The following CELF2 variants were observed in gnomAD, a reference collection of about 807,000 sequenced individuals.
CELF2 encodes the protein CUGBP Elav-like family member 2.
In CELF2, 8 loss-of-function variants were observed where a neutral mutation model predicts 62.6. That is an observed-to-expected ratio of 0.13 (90% CI 0.07 to 0.23). CELF2 has a LOEUF of 0.23. Ranked by LOEUF, CELF2 falls within the 10% of genes least tolerant of loss-of-function variation. The pLI is 1.00. For missense variants in CELF2, 333 were observed against 671.0 expected (o/e 0.50, Z 5.56); for synonymous variants, 258 against 250.0 (o/e 1.03, Z -0.30).
At chr10:10,720,608 C>T in the CELF2 span, among the ~76,000 whole-genome samples, 6 of 152,062 alleles carry the variant, frequency 3.9e-5, no homozygotes, top group South Asian at 4.2e-4. Context: ...CAGCCTATAG[C>T]GAACGCTGAC....
At chr10:10,996,421 G>A (rs1157165652) in intron 2 of CELF2, among the ~76,000 whole-genome samples, 1 of 152,206 alleles carries the variant, frequency 6.6e-6, no homozygotes, top group African/African-American at 2.4e-5. Context: ...TCGACCTCTA[G>A]GGTCTTCCTC....
chr10:11,165,467 C>T lies in CELF2; in HGVS notation c.75-19C>T. 1.2e-6 allele frequency: 2 copies of T among 1,608,572 alleles called. No homozygotes were observed. The highest frequency in any genetic ancestry group is 4.5e-5 in the East Asian group (2 of 44,462). ...CATCGTGCCGCCCTAACTCTGGCTCCCGGTTCCGTTTTTGACAGTAACGGC... is the reference window on the plus strand; with the variant it reads ...CATCGTGCCGCCCTAACTCTGGCTCTCGGTTCCGTTTTTGACAGTAACGGC... On this transcript the variant is annotated intron_variant, in intron 1 of 12. Coordinates refer to ENST00000633077, the MANE Select transcript of CELF2 (RefSeq NM_001326342.2). The surrounding 1 kb of genome is among the most constrained non-coding windows in gnomAD (Gnocchi z 7.4).
the CELF2 span, among the ~76,000 whole-genome samples, chr10:10,765,952 G>A: frequency 6.6e-6 from 1 of 152,178 alleles, no homozygotes; most frequent in Non-Finnish European, 1.5e-5. Flanking sequence ...CCAGACACAA[G>A]CGCACTGGGC....
intron 1 of CELF2, among the ~76,000 whole-genome samples, chr10:10,840,257 C>T (rs1236734217): frequency 4.6e-5 from 7 of 152,176 alleles, no homozygotes; most frequent in Non-Finnish European, 1.0e-4. Flanking sequence ...TAAGTGAAGA[C>T]TCTGTTTAGC....
intron 1 of CELF2, among the ~76,000 whole-genome samples, chr10:11,078,026 G>C (rs774816383): frequency 6.6e-6 from 1 of 152,136 alleles, no homozygotes; most frequent in Non-Finnish European, 1.5e-5. Flanking sequence ...AGTGACCTGC[G>C]TAGGTAGGCT....
intron 4 of CELF2, among the ~76,000 whole-genome samples, chr10:11,256,658 A>T (rs1213055239): frequency 3.0e-5 from 3 of 100,640 alleles, no homozygotes; most frequent in South Asian, 7.1e-4. Flanking sequence ...GGTGTCTGTG[A>T]TGTCCTTAAA....
At chr10:11,140,806 C>T (rs1014642047) in intron 1 of CELF2, among the ~76,000 whole-genome samples, 1 of 152,042 alleles carries the variant, frequency 6.6e-6, no homozygotes, top group Non-Finnish European at 1.5e-5. Context: ...TGCTTGAGCC[C>T]GAGATTTCAA....
At chr10:10,851,279 C>G (rs1202308335) in intron 1 of CELF2, among the ~76,000 whole-genome samples, 3 of 152,246 alleles carry the variant, frequency 2.0e-5, no homozygotes, top group African/African-American at 7.2e-5. Flanking sequence ...GGGCATTTAT[C>G]CCAGAGAAAT....
chr10:10,926,312 C>T (rs886688321), intron 2 of CELF2, among the ~76,000 whole-genome samples: 1 of 152,130 alleles, frequency 6.6e-6, no homozygotes, highest in Admixed American at 6.5e-5. Flanking sequence ...CTTGTGGGGG[C>T]AGATTCACTC....
chr10:10,952,638 A>G (rs1226616069), intron 2 of CELF2, among the ~76,000 whole-genome samples: 7 of 151,432 alleles, frequency 4.6e-5, no homozygotes, highest in Admixed American at 4.0e-4. Flanking sequence ...ATCTACATAT[A>G]TTTATTTATA....
the CELF2 span, among the ~76,000 whole-genome samples, chr10:10,687,796 C>A: frequency 6.6e-6 from 1 of 152,150 alleles, no homozygotes; most frequent in Non-Finnish European, 1.5e-5. Flanking sequence ...ATTTCTATTG[C>A]CCCAGTGTTT....
At chr10:10,552,231 A>G in the CELF2 span, among the ~76,000 whole-genome samples, 6 of 152,346 alleles carry the variant, frequency 3.9e-5, no homozygotes, top group Non-Finnish European at 7.4e-5. Context: ...GGGTTGAGGA[A>G]CAGTTAGGCT....
chr10:10,890,996 C>T (rs2062100479), intron 1 of CELF2, among the ~76,000 whole-genome samples: 1 of 151,288 alleles, frequency 6.6e-6, no homozygotes, highest in African/African-American at 2.4e-5. Context: ...GCCTGGGCGA[C>T]AAGAGCAAGA....
At chr10:10,718,497 A>T in the CELF2 span, among the ~76,000 whole-genome samples, 1 of 151,778 alleles carries the variant, frequency 6.6e-6, no homozygotes, top group Admixed American at 6.6e-5. Context: ...GGTGGCGGGC[A>T]CCTGTGATTC....
At chr10:10,922,818 C>A (rs1407449646) in intron 2 of CELF2, 1 of 152,200 alleles carries the variant, frequency 6.6e-6, no homozygotes. Flanking sequence ...AGTAATATAT[C>A]AGTGATTTCT....
chr10:10,651,030 G>A, the CELF2 span, among the ~76,000 whole-genome samples: 8 of 152,044 alleles, frequency 5.3e-5, no homozygotes, highest in Middle Eastern at 3.4e-3. Flanking sequence ...TGCGCGAGCC[G>A]AAGCAGGGCG....
chr10:10,880,945 T>C (rs2061401672), intron 1 of CELF2, among the ~76,000 whole-genome samples: 3 of 152,350 alleles, frequency 2.0e-5, no homozygotes, highest in South Asian at 4.1e-4. Context: ...CCATTTTTTA[T>C]TCTTCCTTAT....
At chr10:11,149,164 G>C (rs1439568841) in intron 1 of CELF2, among the ~76,000 whole-genome samples, 1 of 152,150 alleles carries the variant, frequency 6.6e-6, no homozygotes, top group East Asian at 1.9e-4. Flanking sequence ...TCCACCTCCT[G>C]TGTTCAAGCG....
rs1294205483 is a variant in CELF2, at chr10:11,321,141, A to G, written c.1097-48A>G. ...TCTCTAACTTCCTTTGGAAAGCACT[A>G]ATGAATAAGTGCTGTTTCTCTTCTC... On this transcript the variant is annotated intron_variant, in intron 10 of 12. Transcript: ENST00000633077. The surrounding 1 kb of genome is among the most constrained non-coding windows in gnomAD (Gnocchi z 6.2). The G allele has an allele frequency of 6.4e-7, 1 of 1,562,516 alleles. No homozygotes were observed. The highest frequency in any genetic ancestry group is 8.8e-7 in the Non-Finnish European group (1 of 1,133,410).
Sources: gnomAD v4.1 joint callset for allele counts (sites outside exome capture counted in the v4.1 genomes callset) on GRCh38, gnomAD v4.1.1 for gene constraint, Gnocchi (gnomAD v3.1) non-coding constraint, MANE v1.5 for transcripts, NCBI Gene and HGNC (gene_info 2026-07-23, HGNC 2026-07-21) for gene names.